Variants in SERPINB5 observed in about 807,000 individuals in gnomAD.
The protein encoded by SERPINB5 is serpin B5.
Under a neutral mutation model 32.2 loss-of-function variants are expected in SERPINB5, and 27 were observed. The ratio of observed to expected loss-of-function variants is 0.84; its 90% CI spans 0.62 to 1.16. The LOEUF is 1.16. Among genes scored for constraint, SERPINB5 ranks in the 50% most tolerant of loss-of-function variants. The probability of loss-of-function intolerance (pLI) is 0.00; values close to 1 mark genes in which losing one functional copy is unlikely to be tolerated. For missense variants in SERPINB5, 388 were observed against 436.3 expected (o/e 0.89, Z 0.99); for synonymous variants, 154 against 157.4 (o/e 0.98, Z 0.16).
rs758710500 is a variant in SERPINB5 at position 63,503,698 on chromosome 18, C to CT, written c.1107dup (p.Gly370TrpfsTer55). The CT allele has an allele frequency of 2.5e-6, 4 of 1,614,020 alleles. No homozygotes were observed. The highest frequency in any genetic ancestry group is 1.7e-5 in the Admixed American group (1 of 60,004). ...ACAACAAAACTCGAAACATTATTTT[C>CT]TTTGGCAAATTCTGTTCTCCTTAAG... On this transcript the variant is annotated frameshift_variant, in exon 7 of 7. Coordinates refer to ENST00000382771, the MANE Select transcript of SERPINB5 (RefSeq NM_002639.5). LOFTEE classifies it high-confidence loss of function.
At chr18:63,484,252 C>G (rs1477566465) in intron 1 of SERPINB5, among the ~76,000 whole-genome samples, 170 bp from the exon 2 acceptor site, 1 of 152,214 alleles carries the variant, frequency 6.6e-6, no homozygotes, top group East Asian at 1.9e-4. Flanking sequence ...AGACATTTGC[C>G]TGGAAGTTTC....
At position 63,480,804 on chromosome 18, in the gene SERPINB5, T is replaced by C. The variant is rs140783260; in HGVS notation, c.-7-3618T>C. 2.4e-3 allele frequency among the ~76,000 whole-genome samples: 361 copies of C among 152,310 alleles called. 2 individuals carry two copies. Among genetic ancestry groups the C allele is most frequent in the African/African-American group, 8.1e-3 (338 of 41,570 alleles). ...TTTGATTGATTACTTAGTGGGTGAT[T>C]TTTTGCAACTACAACCTTTTCCATG... is the stretch of plus-strand genomic sequence containing the variant. On this transcript the variant is annotated intron_variant, in intron 1 of 6. Coordinates refer to ENST00000382771, the MANE Select transcript of SERPINB5 (RefSeq NM_002639.5).
chr18:63,480,892 A>C (rs1917116579), intron 1 of SERPINB5, among the ~76,000 whole-genome samples: 2 of 152,194 alleles, frequency 1.3e-5, no homozygotes, highest in Non-Finnish European at 2.9e-5. Context: ...GGGACCCCAG[A>C]TACTAAGGGC....
intron 5 of SERPINB5, among the ~76,000 whole-genome samples, chr18:63,496,590 T>C (rs1335843444): frequency 6.6e-6 from 1 of 152,180 alleles, no homozygotes; most frequent in African/African-American, 2.4e-5. Context: ...TAAATAACGT[T>C]TAGCTCTGCT....
intron 3 of SERPINB5, among the ~76,000 whole-genome samples, 183 bp from the exon 4 acceptor site, chr18:63,489,164 A>G (rs1011383742): frequency 6.6e-6 from 1 of 152,260 alleles, no homozygotes; most frequent in Non-Finnish European, 1.5e-5. Flanking sequence ...ATAATTGAAA[A>G]AAATGAAACA....
chr18:63,503,141 G>T (rs1487277804), intron 6 of SERPINB5, among the ~76,000 whole-genome samples, 189 bp from the exon 7 acceptor site: 1 of 152,150 alleles, frequency 6.6e-6, no homozygotes, highest in Non-Finnish European at 1.5e-5. Context: ...GGCTGGGGAG[G>T]AGGAGGACAC....
At chr18:63,499,357 G>T in intron 6 of SERPINB5, 70 bp downstream of exon 6, 3 of 1,339,734 alleles carry the variant, frequency 2.2e-6, no homozygotes, top group Non-Finnish European at 2.9e-6. Context: ...CAACAGGTCT[G>T]TGTGGGCCGT....
intron 1 of SERPINB5, among the ~76,000 whole-genome samples, chr18:63,481,333 A>G (rs747548974): frequency 4.6e-5 from 7 of 152,260 alleles, no homozygotes; most frequent in African/African-American, 9.6e-5. Flanking sequence ...GTTTGCAGCC[A>G]AACTCCCTCA....
intron 2 of SERPINB5, among the ~76,000 whole-genome samples, 167 bp downstream of exon 2, chr18:63,484,763 T>TTTG (rs1555670280): frequency 2.1e-5 from 3 of 145,690 alleles, no homozygotes; most frequent in Non-Finnish European, 3.0e-5. Context: ...TTTTTTTTTT[T>TTTG]GTGAGACAGG....
intron 5 of SERPINB5, among the ~76,000 whole-genome samples, chr18:63,494,493 C>T (rs573162887): frequency 6.6e-6 from 1 of 152,222 alleles, no homozygotes; most frequent in African/African-American, 2.4e-5. Context: ...CTGGAAGCAG[C>T]ACTTCAGTTA....
At chr18:63,491,166 C>T (rs1287116695) in intron 4 of SERPINB5, among the ~76,000 whole-genome samples, 1 of 152,058 alleles carries the variant, frequency 6.6e-6, no homozygotes, top group African/African-American at 2.4e-5. Context: ...CTTTGGGAGG[C>T]CAAGGCAGCT....
At chr18:63,495,950 T>C (rs566658352) in intron 5 of SERPINB5, among the ~76,000 whole-genome samples, 1 of 152,344 alleles carries the variant, frequency 6.6e-6, no homozygotes, top group Admixed American at 6.5e-5. Flanking sequence ...CTAAACCTTT[T>C]CTTATGCCCC....
At chr18:63,495,141 T>A (rs1909422672) in intron 5 of SERPINB5, among the ~76,000 whole-genome samples, 1 of 152,256 alleles carries the variant, frequency 6.6e-6, no homozygotes, top group Non-Finnish European at 1.5e-5. Flanking sequence ...GCTTCCCAAC[T>A]GCAGTGGTCT....
At position 63,498,749 on chromosome 18, in the gene SERPINB5, G is replaced by GTA. The variant is rs386387948; in HGVS notation, c.568-359_568-358dup. Among the ~76,000 whole-genome samples the GTA allele has an allele frequency of 3.1e-3, 459 of 149,952 alleles. 1 individual carries two copies. Among genetic ancestry groups the GTA allele is most frequent in the African/African-American group, 7.0e-3 (285 of 40,842 alleles). ...GACACTGTGTCAAGAGCAAATTTGT[G>GTA]TATATATATATATGTACATATATAT... is the stretch of plus-strand genomic sequence containing the variant. On this transcript the variant is annotated intron_variant, in intron 5 of 6. Coordinates refer to ENST00000382771, the MANE Select transcript of SERPINB5 (RefSeq NM_002639.5). The surrounding 1 kb of genome is among the most constrained non-coding windows in gnomAD (Gnocchi z 4.2).
chr18:63,490,359 C>T (rs1009640479), intron 4 of SERPINB5, among the ~76,000 whole-genome samples: 3 of 152,088 alleles, frequency 2.0e-5, no homozygotes, highest in Non-Finnish European at 2.9e-5. Context: ...CTCCTCGTCC[C>T]TCCCTTAAAA....
chr18:63,489,510 G>C, intron 4 of SERPINB5, 46 bp downstream of exon 4: 1 of 1,054,040 alleles, frequency 9.5e-7, no homozygotes, highest in South Asian at 1.4e-5. Context: ...AAGTAAACAG[G>C]GCCTTCCATC....
chr18:63,478,733 G>A (rs6567356), intron 1 of SERPINB5, among the ~76,000 whole-genome samples: 105,211 of 150,224 alleles, frequency 0.7, 37,416 homozygotes, highest in African/African-American at 0.82. Flanking sequence ...TGATATCTAC[G>A]ATACTCTGAC....
At chr18:63,502,325 C>T (rs965100965) in intron 6 of SERPINB5, among the ~76,000 whole-genome samples, 6 of 151,934 alleles carry the variant, frequency 3.9e-5, no homozygotes, top group Admixed American at 1.3e-4. Context: ...TTAGTAGAGA[C>T]GGGCTTTCAC....
chr18:63,496,713 G>A (rs1322528083), intron 5 of SERPINB5, among the ~76,000 whole-genome samples: 1 of 152,212 alleles, frequency 6.6e-6, no homozygotes. Flanking sequence ...TCCCCAAAGA[G>A]ATTTAGTTAA....
Sources: gnomAD v4.1 joint callset for allele counts (sites outside exome capture counted in the v4.1 genomes callset) on GRCh38, gnomAD v4.1.1 for gene constraint, Gnocchi (gnomAD v3.1) non-coding constraint, MANE v1.5 for transcripts, NCBI Gene and HGNC (gene_info 2026-07-23, HGNC 2026-07-21) for gene names.